CNTNAP2: variants seen among roughly 807,000 people sequenced by gnomAD.
CNTNAP2 encodes contactin associated protein 2.
CNTNAP2 carries 98 observed loss-of-function variants against 155.2 expected under a neutral mutation model. The observed-to-expected ratio is 0.63, with a 90% confidence interval of 0.54 to 0.75. The LOEUF is 0.75. CNTNAP2 is among the 30% of genes least tolerant of loss of function. CNTNAP2 has a pLI of 0.00. For synonymous variants in CNTNAP2, 651 were observed against 631.2 expected, an observed-to-expected ratio of 1.03 and a Z score of -0.47; for missense variants, 1,727 against 1,688.1, an observed-to-expected ratio of 1.02 and a Z score of -0.40.
chr7:146,795,651 A>G (rs561977605), intron 2 of CNTNAP2, among the ~76,000 whole-genome samples: 1 of 152,296 alleles, frequency 6.6e-6, no homozygotes, highest in South Asian at 2.1e-4. Flanking sequence ...ACTTTTCCCA[A>G]TTTCCCAACT....
In CNTNAP2 at chr7:147,226,366, G is replaced by C. The variant is rs2116607647; in HGVS notation, c.1349-73775G>C. ...TTCTTCCTAATTAGTCCTCAGTAAA[G>C]TGAATAAGTTATTAGAGAACATGGT... is the stretch of plus-strand genomic sequence containing the variant. On this transcript the variant is annotated intron_variant, in intron 8 of 23. Transcript: ENST00000361727. Among the ~76,000 whole-genome samples the C allele has an allele frequency of 1.3e-5, 2 of 152,176 alleles. 1 individual carries two copies. Among genetic ancestry groups the C allele is most frequent in the South Asian group, 4.2e-4 (2 of 4,814 alleles).
chr7:146,323,512 CAA>C (rs1563038372), intron 1 of CNTNAP2, among the ~76,000 whole-genome samples: 4 of 152,004 alleles, frequency 2.6e-5, no homozygotes, highest in African/African-American at 9.7e-5. Flanking sequence ...TCAAAACAAA[CAA>C]AACTGTGAGA....
chr7:148,355,368 A>G (rs1264983417), intron 21 of CNTNAP2, among the ~76,000 whole-genome samples: 2 of 151,754 alleles, frequency 1.3e-5, no homozygotes, highest in Non-Finnish European at 2.9e-5. Flanking sequence ...ATGGTCGATC[A>G]GTATTAATTG....
At chr7:146,428,038 C>A (rs1219896686) in intron 1 of CNTNAP2, among the ~76,000 whole-genome samples, 2 of 152,178 alleles carry the variant, frequency 1.3e-5, no homozygotes. Flanking sequence ...TAATGGCCCC[C>A]AGCTCCATCC....
chr7:147,530,314 G>A (rs549937209), intron 11 of CNTNAP2, among the ~76,000 whole-genome samples: 4 of 151,914 alleles, frequency 2.6e-5, no homozygotes, highest in African/African-American at 9.7e-5. Context: ...CAAGTAGCTG[G>A]GACTATAGGC....
At chr7:147,679,751 T>G (rs1252206196) in intron 13 of CNTNAP2, among the ~76,000 whole-genome samples, 1 of 151,936 alleles carries the variant, frequency 6.6e-6, no homozygotes, top group East Asian at 1.9e-4. Flanking sequence ...ATTATATTGT[T>G]TATTTGTAAT....
chr7:147,735,351 C>T (rs554316089), intron 13 of CNTNAP2, among the ~76,000 whole-genome samples: 49 of 152,220 alleles, frequency 3.2e-4, no homozygotes, highest in Admixed American at 9.8e-4. Context: ...TTTCTTAATC[C>T]TGAGTTCTAG....
chr7:148,337,956 G>A (rs10232083), intron 21 of CNTNAP2, among the ~76,000 whole-genome samples: 50,067 of 151,958 alleles, frequency 0.33, 8,358 homozygotes, highest in East Asian at 0.52. Flanking sequence ...ATTTACATAC[G>A]ATAAAATCCA....
intron 13 of CNTNAP2, among the ~76,000 whole-genome samples, chr7:147,657,822 C>T (rs1315599300): frequency 6.6e-6 from 1 of 152,190 alleles, no homozygotes; most frequent in Non-Finnish European, 1.5e-5. Context: ...TCTGAAGCAA[C>T]TTCTTAGCAT....
intron 13 of CNTNAP2, among the ~76,000 whole-genome samples, chr7:147,870,130 A>T (rs889743443): frequency 6.6e-6 from 1 of 152,316 alleles, no homozygotes. Context: ...CAAGAAGCAG[A>T]TGCCAAGACA....
At chr7:148,237,614 C>G (rs529134347) in intron 20 of CNTNAP2, among the ~76,000 whole-genome samples, 1 of 152,180 alleles carries the variant, frequency 6.6e-6, no homozygotes, top group African/African-American at 2.4e-5. Flanking sequence ...TGGAGAAATT[C>G]TCACTCTGAA....
intron 1 of CNTNAP2, among the ~76,000 whole-genome samples, chr7:146,361,746 G>A (rs950377008): frequency 1.3e-5 from 2 of 152,164 alleles, no homozygotes; most frequent in African/African-American, 4.8e-5. Context: ...TCTGAGGTGT[G>A]TCATACAATA....
intron 15 of CNTNAP2, among the ~76,000 whole-genome samples, chr7:147,978,545 G>A (rs1801470166): frequency 6.6e-6 from 1 of 152,118 alleles, no homozygotes; most frequent in South Asian, 2.1e-4. Context: ...CCCCAGAGAG[G>A]AATTTGGGGC....
chr7:147,582,828 A>G (rs1800531064), intron 12 of CNTNAP2, among the ~76,000 whole-genome samples: 1 of 152,206 alleles, frequency 6.6e-6, no homozygotes, highest in Non-Finnish European at 1.5e-5. Context: ...AACTATAGCC[A>G]AAGCTACTAA....
At chr7:148,207,821 A>T (rs1235162028) in intron 18 of CNTNAP2, among the ~76,000 whole-genome samples, 1 of 152,166 alleles carries the variant, frequency 6.6e-6, no homozygotes, top group Non-Finnish European at 1.5e-5. Flanking sequence ...AAGTCATCAC[A>T]GCGTGGTGGC....
At chr7:146,957,406 T>C (rs970402501) in intron 3 of CNTNAP2, among the ~76,000 whole-genome samples, 1 of 152,232 alleles carries the variant, frequency 6.6e-6, no homozygotes, top group African/African-American at 2.4e-5. Flanking sequence ...ATGTGGCATA[T>C]GACTGTACAT....
chr7:147,141,481 G>A (rs1055712334), intron 8 of CNTNAP2, among the ~76,000 whole-genome samples: 5 of 151,880 alleles, frequency 3.3e-5, no homozygotes, highest in East Asian at 3.9e-4. Context: ...TGTACACAAC[G>A]GTTTTAAGCC....
chr7:147,058,873 G>A (rs942903068), intron 4 of CNTNAP2, among the ~76,000 whole-genome samples: 2 of 152,192 alleles, frequency 1.3e-5, no homozygotes, highest in Non-Finnish European at 2.9e-5. Context: ...CCAAAGTGCT[G>A]GGATTACAGG....
chr7:147,799,592 G>A (rs1228720557), intron 13 of CNTNAP2, among the ~76,000 whole-genome samples: 2 of 152,138 alleles, frequency 1.3e-5, no homozygotes, highest in Non-Finnish European at 2.9e-5. Context: ...GTTCCAAAAA[G>A]ACTTTACCAA....
Sources: allele counts gnomAD v4.1 joint callset (sites outside exome capture counted in the v4.1 genomes callset), GRCh38; gene constraint gnomAD v4.1.1; transcripts MANE v1.5; gene names NCBI Gene and HGNC (gene_info 2026-07-23, HGNC 2026-07-21).